CPE: variants seen among roughly 807,000 people sequenced by gnomAD.
CPE encodes carbocypeptidase E.
Under a neutral mutation model 53.5 loss-of-function variants are expected in CPE, and 17 were observed. That is an observed-to-expected ratio of 0.32 (90% CI 0.22 to 0.48). The LOEUF (loss-of-function observed/expected upper bound fraction) is 0.48, where lower values mean the gene tolerates loss of function less well. Ranked by LOEUF, CPE falls within the 20% of genes least tolerant of loss-of-function variation. The probability of loss-of-function intolerance (pLI) is 0.99; values close to 1 mark genes in which losing one functional copy is unlikely to be tolerated. For missense variants in CPE, 524 were observed against 614.7 expected, an observed-to-expected ratio of 0.85 and a Z score of 1.56; for synonymous variants, 226 against 228.8, an observed-to-expected ratio of 0.99 and a Z score of 0.11.
At chr4:165,497,103 G>A (rs998870548) in intron 8 of CPE, among the ~76,000 whole-genome samples, 8 of 152,046 alleles carry the variant, frequency 5.3e-5, no homozygotes, top group African/African-American at 1.7e-4. Flanking sequence ...TGTATTTTTA[G>A]CAGAGATGTG....
intron 5 of CPE, among the ~76,000 whole-genome samples, chr4:165,487,011 G>T (rs1189345489): frequency 6.6e-6 from 1 of 152,118 alleles, no homozygotes; most frequent in African/African-American, 2.4e-5. Flanking sequence ...ATATTGATTG[G>T]GCTTAAGGAA....
At chr4:165,456,353 C>A (rs1466102908) in intron 1 of CPE, among the ~76,000 whole-genome samples, 1 of 152,168 alleles carries the variant, frequency 6.6e-6, no homozygotes, top group African/African-American at 2.4e-5. Context: ...CGCCACTCCC[C>A]CTAAGTTGAA....
intron 3 of CPE, among the ~76,000 whole-genome samples, chr4:165,477,466 G>C (rs774395675): frequency 2.0e-5 from 3 of 152,120 alleles, no homozygotes; most frequent in Non-Finnish European, 4.4e-5. Flanking sequence ...GCCTATGTCT[G>C]GTTCATCACC....
At position 165,493,212 on chromosome 4, in the gene CPE, T is replaced by TAA; in HGVS notation, c.1156_1157dup (p.Asn386LysfsTer14). ...AAGGATTTGTCCGAGACCTTCAAGGTAACCCAATTGCGAATGCCACCATCT... is the reference window on the plus strand; with the variant it reads ...AAGGATTTGTCCGAGACCTTCAAGGTAAAACCCAATTGCGAATGCCACCATCT... On this transcript the variant is annotated frameshift_variant, in exon 7 of 9. Coordinates refer to ENST00000402744, the MANE Select transcript of CPE (RefSeq NM_001873.4). LOFTEE classifies it high-confidence loss of function. 6.2e-7 allele frequency: 1 copy of TAA among 1,614,118 alleles called. No individual in the cohort carries two copies. The highest frequency in any genetic ancestry group is 8.5e-7 in the Non-Finnish European group (1 of 1,179,974).
intron 1 of CPE, among the ~76,000 whole-genome samples, chr4:165,421,821 G>A (rs1307977771): frequency 6.6e-6 from 1 of 152,132 alleles, no homozygotes; most frequent in Non-Finnish European, 1.5e-5. Flanking sequence ...TTTAACTAAT[G>A]TTAATGGTGC....
rs539436772 is a variant in CPE, at chr4:165,467,929, T to C, written c.672+74T>C. The C allele has an allele frequency of 7.3e-4, 1,094 of 1,506,548 alleles. 2 individuals carry two copies. Among genetic ancestry groups the C allele is most frequent in the Non-Finnish European group, 9.0e-4 (995 of 1,105,844 alleles). 93.3% of individuals were successfully genotyped at this position (1,506,548 alleles called of 1,614,324 possible). A position where few individuals can be genotyped will look rare whatever the true frequency, so the allele number is the denominator to read the frequency against. On this transcript the variant is annotated intron_variant, in intron 3 of 8. Coordinates refer to ENST00000402744, the MANE Select transcript of CPE (RefSeq NM_001873.4). ...ATATGTTCCAATATCTTCATCATCA[T>C]GAAGGACAGAGGAGTAACATCACAG...
chr4:165,442,047 G>GT (rs1054878301), intron 1 of CPE, among the ~76,000 whole-genome samples: 1,666 of 57,044 alleles, frequency 0.029, 31 homozygotes, highest in Non-Finnish European at 0.044. Context: ...TTTTTTTTTT[G>GT]TTTTTTTTTT....
chr4:165,411,606 T>G (rs1379708285), intron 1 of CPE, among the ~76,000 whole-genome samples: 9 of 152,210 alleles, frequency 5.9e-5, no homozygotes, highest in Non-Finnish European at 1.3e-4. Flanking sequence ...GGCCTGTTGA[T>G]TTCTAATTTG....
intron 1 of CPE, among the ~76,000 whole-genome samples, chr4:165,393,978 T>A (rs1349795273): frequency 6.6e-6 from 1 of 152,154 alleles, no homozygotes; most frequent in Non-Finnish European, 1.5e-5. Flanking sequence ...TCTGATAAAC[T>A]TTTTGGAGGG....
chr4:165,429,025 A>G (rs1731366209), intron 1 of CPE, among the ~76,000 whole-genome samples: 2 of 152,176 alleles, frequency 1.3e-5, no homozygotes, highest in Non-Finnish European at 2.9e-5. Context: ...CTGTTAATCA[A>G]TTGTGTCACT....
At chr4:165,452,509 A>G (rs1181294505) in intron 1 of CPE, among the ~76,000 whole-genome samples, 1 of 151,986 alleles carries the variant, frequency 6.6e-6, no homozygotes, top group East Asian at 1.9e-4. Context: ...CTGTTTTCTG[A>G]TTCTGACTTA....
intron 1 of CPE, among the ~76,000 whole-genome samples, chr4:165,432,615 A>G (rs1731432748): frequency 6.6e-6 from 1 of 152,218 alleles, no homozygotes; most frequent in African/African-American, 2.4e-5. Flanking sequence ...ATTTTTAATA[A>G]AACTTTTCAA....
intron 6 of CPE, 98 bp downstream of exon 6, chr4:165,487,675 G>A (rs770197139): frequency 1.6e-4 from 212 of 1,328,574 alleles, no homozygotes; most frequent in Non-Finnish European, 2.2e-4. Context: ...TCCGTCTGGT[G>A]CAGAATGAGG....
intron 1 of CPE, among the ~76,000 whole-genome samples, chr4:165,407,559 T>G (rs2126665711): frequency 6.6e-6 from 1 of 151,758 alleles, no homozygotes; most frequent in South Asian, 2.1e-4. Flanking sequence ...TTTCTTTTTT[T>G]TTTTTTGAGA....
At position 165,497,556 on chromosome 4, in the gene CPE, G is replaced by A. The variant is rs765444839; in HGVS notation, c.1377G>A (p.Glu459=). Residue 459 remains glutamate (E), a synonymous_variant, in exon 9 of 9, where the codon GAG becomes GAA. Coordinates refer to ENST00000402744, the MANE Select transcript of CPE (RefSeq NM_001873.4). The part of the protein sequence containing the change: ...LESFSERKEE[E]KEELMEWWKM... ...CATTTTCTGAAAGGAAAGAAGAGGA[G>A]AAGGAAGAATTGATGGAATGGTGGA... 1.0e-5 allele frequency: 16 copies of A among 1,584,670 alleles called. No homozygotes were observed. In the Admixed American group the frequency reaches 2.7e-4, roughly 27 times the overall value.
At position 165,406,197 on chromosome 4, in the gene CPE, A is replaced by G. The variant is rs1730951214; in HGVS notation, c.307+26669A>G. The G allele has an allele frequency of 4.4e-6, 3 of 685,436 alleles. No homozygotes were observed. The Admixed American group carries it at 5.7e-5, about 13-fold the overall frequency. The allele number at this position is 685,436 out of a possible 1,614,324, so 42.5% of individuals were successfully genotyped here. On this transcript the variant is annotated intron_variant, in intron 1 of 8. Transcript: ENST00000402744. ...TGAATGGGGAGAGTTAATTTAAATA[A>G]CTATCACATCCCCTTTGACTCCATA...
chr4:165,404,868 T>C (rs1471870523), intron 1 of CPE: 5 of 763,528 alleles, frequency 6.5e-6, no homozygotes, highest in Admixed American at 1.7e-5. Context: ...AAGTAGTGCC[T>C]GCCAATCACC....
At chr4:165,396,299 C>T (rs1346143489) in intron 1 of CPE, among the ~76,000 whole-genome samples, 1 of 152,156 alleles carries the variant, frequency 6.6e-6, no homozygotes, top group Non-Finnish European at 1.5e-5. Context: ...CTCTGTAACT[C>T]CTACAACTTG....
At chr4:165,430,900 A>T (rs1020453473) in intron 1 of CPE, among the ~76,000 whole-genome samples, 1 of 152,142 alleles carries the variant, frequency 6.6e-6, no homozygotes, top group Non-Finnish European at 1.5e-5. Context: ...CTCTGCCACC[A>T]CCTCAGTATT....
Sources: gnomAD v4.1 joint callset for allele counts (sites outside exome capture counted in the v4.1 genomes callset) on GRCh38, gnomAD v4.1.1 for gene constraint, MANE v1.5 for transcripts, NCBI Gene and HGNC (gene_info 2026-07-23, HGNC 2026-07-21) for gene names.